The following CDYL2 variants were observed in gnomAD, a reference collection of about 807,000 sequenced individuals.
CDYL2 encodes the protein chromodomain Y-like protein 2.
Under a neutral mutation model 49.4 loss-of-function variants are expected in CDYL2, and 23 were observed. The ratio of observed to expected loss-of-function variants is 0.47; its 90% CI spans 0.34 to 0.66. CDYL2 has a LOEUF of 0.66. Among genes scored for constraint, CDYL2 ranks in the 30% least tolerant of loss-of-function variants. The pLI, the probability that CDYL2 is intolerant of heterozygous loss-of-function variation, is 0.01. For missense variants in CDYL2, 678 were observed against 656.4 expected, an observed-to-expected ratio of 1.03 and a Z score of -0.36; for synonymous variants, 360 against 268.8, an observed-to-expected ratio of 1.34 and a Z score of -3.32.
At chr16:80,630,821 T>G (rs1292123543) in intron 3 of CDYL2, among the ~76,000 whole-genome samples, 1 of 152,058 alleles carries the variant, frequency 6.6e-6, no homozygotes, top group African/African-American at 2.4e-5. Context: ...ATAATAATAA[T>G]GCAATCACAA....
At chr16:80,752,027 A>G (rs1906154644) in intron 1 of CDYL2, among the ~76,000 whole-genome samples, 1 of 152,222 alleles carries the variant, frequency 6.6e-6, no homozygotes, top group Admixed American at 6.5e-5. Flanking sequence ...AAATCCACAG[A>G]AGATATAAAT....
At chr16:80,633,258 TG>T in intron 2 of CDYL2, 22 bp from the exon 3 acceptor site, 1 of 1,601,572 alleles carries the variant, frequency 6.2e-7, no homozygotes, top group Non-Finnish European at 8.5e-7. Flanking sequence ...AGATAAACAA[TG>T]TAAGAAACTG....
At chr16:80,781,841 C>A (rs1438495491) in intron 1 of CDYL2, among the ~76,000 whole-genome samples, 2 of 151,848 alleles carry the variant, frequency 1.3e-5, no homozygotes, top group African/African-American at 2.4e-5. Context: ...TAGGAAATAT[C>A]TTGAGACAAA....
At chr16:80,779,666 A>T (rs1299697269) in intron 1 of CDYL2, among the ~76,000 whole-genome samples, 1 of 152,172 alleles carries the variant, frequency 6.6e-6, no homozygotes, top group Non-Finnish European at 1.5e-5. Context: ...AGCATATTAA[A>T]ATTATGTTAT....
At chr16:80,671,150 A>G (rs1182765878) in intron 2 of CDYL2, among the ~76,000 whole-genome samples, 1 of 152,100 alleles carries the variant, frequency 6.6e-6, no homozygotes, top group Non-Finnish European at 1.5e-5. Flanking sequence ...CCTTATTAAT[A>G]GCTCTCCAGG....
intron 1 of CDYL2, among the ~76,000 whole-genome samples, chr16:80,706,551 G>A (rs1368730494): frequency 6.6e-6 from 1 of 152,206 alleles, no homozygotes; most frequent in South Asian, 2.1e-4. Flanking sequence ...ATTCATGACT[G>A]AGGCTGGCTT....
rs549590454 is a variant in CDYL2, at chr16:80,712,180, T to G, written c.25-27051A>C. ...ATGTGTGTATATATATGTGTCTTTGTGTCTGTGTGTGTATATATATATATA... is the reference window on the plus strand; with the variant it reads ...ATGTGTGTATATATATGTGTCTTTGGGTCTGTGTGTGTATATATATATATA... On this transcript the variant is annotated intron_variant, in intron 1 of 6. Coordinates refer to ENST00000570137, the MANE Select transcript of CDYL2 (RefSeq NM_152342.4). Among the ~76,000 whole-genome samples the G allele has an allele frequency of 1.0e-3, 62 of 61,184 alleles. No individual in the cohort carries two copies. The East Asian group carries it at 0.028, about 27-fold the overall frequency. 40.1% of individuals were successfully genotyped at this position (61,184 alleles called of 152,430 possible).
intron 1 of CDYL2, among the ~76,000 whole-genome samples, chr16:80,734,830 T>C (rs7187075): frequency 0.8 from 120,912 of 152,080 alleles, 49,794 homozygotes; most frequent in Non-Finnish European, 0.91. Flanking sequence ...GCTACGGTGT[T>C]TTCAATTTAA....
At chr16:80,638,327 A>G (rs1907931624) in intron 2 of CDYL2, among the ~76,000 whole-genome samples, 1 of 152,132 alleles carries the variant, frequency 6.6e-6, no homozygotes, top group African/African-American at 2.4e-5. Flanking sequence ...CTCCCACCTC[A>G]GGCTCCCAAA....
intron 1 of CDYL2, among the ~76,000 whole-genome samples, chr16:80,764,796 C>T (rs1597122302): frequency 6.6e-6 from 1 of 151,952 alleles, no homozygotes; most frequent in Non-Finnish European, 1.5e-5. Context: ...CGCGGTGGCT[C>T]AAGCCTGTAA....
rs117167249 is a variant in CDYL2, at chr16:80,634,208, G to A, written c.617-972C>T. ...AAAGACATATACACATATGTTTACTGCGGCACTATTCACAATAGCTCACAC... is the reference window on the plus strand; with the variant it reads ...AAAGACATATACACATATGTTTACTACGGCACTATTCACAATAGCTCACAC... On this transcript the variant is annotated intron_variant, in intron 2 of 6. Transcript: ENST00000570137. Among the ~76,000 whole-genome samples, 136 of 152,244 alleles carry A rather than the reference G, an allele frequency of 8.9e-4. 1 individual carries two copies. In the East Asian group the frequency reaches 0.024, roughly 27 times the overall value.
intron 1 of CDYL2, among the ~76,000 whole-genome samples, chr16:80,740,396 G>A (rs1247055677): frequency 6.6e-6 from 1 of 152,088 alleles, no homozygotes; most frequent in African/African-American, 2.4e-5. Context: ...CATTTAAAAG[G>A]CCTAATTCAA....
intron 2 of CDYL2, among the ~76,000 whole-genome samples, chr16:80,634,758 T>C (rs952793796): frequency 6.6e-5 from 10 of 151,866 alleles, no homozygotes; most frequent in African/African-American, 2.4e-4. Flanking sequence ...TTCCAAAATA[T>C]ACACAAGGAG....
At chr16:80,607,176 A>AC (rs1393805084) in intron 6 of CDYL2, among the ~76,000 whole-genome samples, 3 of 151,660 alleles carry the variant, frequency 2.0e-5, no homozygotes, top group Non-Finnish European at 4.4e-5. Context: ...GGAGACCGCC[A>AC]CCCCCCACCG....
At chr16:80,713,321 T>C (rs1904683948) in intron 1 of CDYL2, among the ~76,000 whole-genome samples, 2 of 152,230 alleles carry the variant, frequency 1.3e-5, no homozygotes, top group Admixed American at 6.5e-5. Context: ...GGGAGAAGTC[T>C]GCAATCATTC....
intron 1 of CDYL2, among the ~76,000 whole-genome samples, chr16:80,747,484 A>G (rs990073535): frequency 6.6e-6 from 1 of 152,194 alleles, no homozygotes; most frequent in Admixed American, 6.5e-5. Context: ...ATAAATCTAG[A>G]CACAAGGCCT....
At chr16:80,762,842 A>G (rs931100265) in intron 1 of CDYL2, among the ~76,000 whole-genome samples, 1 of 152,110 alleles carries the variant, frequency 6.6e-6, no homozygotes, top group Non-Finnish European at 1.5e-5. Flanking sequence ...ATGCAAGAAG[A>G]CTGTCATGTG....
chr16:80,748,011 C>A (rs1253538259), intron 1 of CDYL2, among the ~76,000 whole-genome samples: 3 of 151,812 alleles, frequency 2.0e-5, no homozygotes, highest in African/African-American at 7.3e-5. Context: ...AAGCAGGGCA[C>A]AGTGAACTCT....
intron 1 of CDYL2, among the ~76,000 whole-genome samples, chr16:80,712,189 G>GTACATATATATATATATATA (rs527296483): frequency 2.6e-5 from 2 of 75,842 alleles, no homozygotes; most frequent in African/African-American, 6.6e-5. Flanking sequence ...GTGTCTGTGT[G>GTACATATATATATATATATA]TGTATATATA....
Sources: allele counts gnomAD v4.1 joint callset (sites outside exome capture counted in the v4.1 genomes callset), GRCh38; gene constraint gnomAD v4.1.1; transcripts MANE v1.5; gene names NCBI Gene and HGNC (gene_info 2026-07-23, HGNC 2026-07-21).